The following ASTN1 variants were observed in gnomAD, a reference collection of about 807,000 sequenced individuals.
ASTN1 encodes astrotactin-1.
Under a neutral mutation model 140.7 loss-of-function variants are expected in ASTN1, and 41 were observed. That is an observed-to-expected ratio of 0.29 (90% confidence interval 0.23 to 0.38). The LOEUF (loss-of-function observed/expected upper bound fraction) is 0.38, where lower values mean the gene tolerates loss of function less well. Ranked by LOEUF, ASTN1 falls within the 10% of genes least tolerant of loss-of-function variation. ASTN1 has a pLI of 1.00. For synonymous variants in ASTN1, 640 were observed against 652.2 expected (o/e 0.98, Z 0.29); for missense variants, 1,479 against 1,678.8 (o/e 0.88, Z 2.08).
intron 18 of ASTN1, among the ~76,000 whole-genome samples, chr1:176,886,444 TCTC>T (rs1171134887): frequency 5.9e-5 from 9 of 152,216 alleles, no homozygotes; most frequent in African/African-American, 2.2e-4. Flanking sequence ...CAGCAGCAGT[TCTC>T]CTAGTGGCTC....
intron 1 of ASTN1, among the ~76,000 whole-genome samples, chr1:177,093,700 G>A (rs1289794980): frequency 6.6e-6 from 1 of 151,932 alleles, no homozygotes; most frequent in African/African-American, 2.4e-5. Context: ...ACAGGGCCTG[G>A]GTGAGTTGAA....
At chr1:176,888,608 G>T (rs1669139924) in intron 17 of ASTN1, among the ~76,000 whole-genome samples, 1 of 152,172 alleles carries the variant, frequency 6.6e-6, no homozygotes, top group South Asian at 2.1e-4. Flanking sequence ...TTTCCCAAAT[G>T]CTTCTCTGTG....
intron 12 of ASTN1, 24 bp downstream of exon 12, chr1:176,949,161 G>T: frequency 6.2e-7 from 1 of 1,612,616 alleles, no homozygotes. Flanking sequence ...GACGCCAGGT[G>T]GCCTCGCTGG....
At chr1:176,921,220 G>A (rs1312578156) in intron 16 of ASTN1, among the ~76,000 whole-genome samples, 2 of 152,074 alleles carry the variant, frequency 1.3e-5, no homozygotes, top group African/African-American at 2.4e-5. Context: ...TTATATATTT[G>A]TATTTTTCCT....
In ASTN1 at chr1:177,117,039, G is replaced by A. The variant is rs898112089; in HGVS notation, c.283+47355C>T. Among the ~76,000 whole-genome samples the A allele has an allele frequency of 2.0e-5, 3 of 152,028 alleles. 1 individual carries two copies. Among genetic ancestry groups the A allele is most frequent in the Admixed American group, 1.3e-4 (2 of 15,258 alleles). ...TACCTGCCAATTTTCTCTTAAAGTAGGTGTCTACGTGCATTTTTCAAGGCA... is the reference window on the plus strand; with the variant it reads ...TACCTGCCAATTTTCTCTTAAAGTAAGTGTCTACGTGCATTTTTCAAGGCA... On this transcript the variant is annotated intron_variant, in intron 1 of 22. Coordinates refer to ENST00000361833, the MANE Select transcript of ASTN1 (RefSeq NM_004319.3).
At chr1:177,064,881 A>G (rs1678274654) in intron 1 of ASTN1, among the ~76,000 whole-genome samples, 1 of 152,228 alleles carries the variant, frequency 6.6e-6, no homozygotes, top group Non-Finnish European at 1.5e-5. Context: ...CAACCAATGA[A>G]AAACCACACA....
At chr1:176,960,887 C>A (rs1221643751) in intron 9 of ASTN1, among the ~76,000 whole-genome samples, 1 of 152,076 alleles carries the variant, frequency 6.6e-6, no homozygotes, top group Admixed American at 6.5e-5. Flanking sequence ...GAAAGCTCCC[C>A]AGGGCCTTCA....
intron 2 of ASTN1, among the ~76,000 whole-genome samples, chr1:177,051,021 A>G (rs976663896): frequency 9.2e-5 from 14 of 152,208 alleles, no homozygotes; most frequent in Admixed American, 2.0e-4. Context: ...AAGTCGAAGC[A>G]TAGTTTTGTT....
At position 176,899,586 on chromosome 1, in the gene ASTN1, GA is replaced by G. The variant is rs538670188; in HGVS notation, c.2672-4757del. Among the ~76,000 whole-genome samples, 153 of 152,288 alleles carry G rather than the reference GA, an allele frequency of 1.0e-3. No homozygotes were observed. In the East Asian group the frequency reaches 0.012, roughly 12 times the overall value. On this transcript the variant is annotated intron_variant, in intron 16 of 22. Transcript: ENST00000361833. ...AGCTAATCAAATCCCAGCTTTTGGA[GA>G]CAGCTTAGGATCTACAGGAAAGAAG...
chr1:176,878,883 G>A (rs956044755), intron 20 of ASTN1, among the ~76,000 whole-genome samples: 1 of 152,158 alleles, frequency 6.6e-6, no homozygotes, highest in Non-Finnish European at 1.5e-5. Flanking sequence ...TACAAACCTC[G>A]GTAGCACTGC....
chr1:177,112,935 T>C (rs572761690), intron 1 of ASTN1, among the ~76,000 whole-genome samples: 1 of 152,354 alleles, frequency 6.6e-6, no homozygotes, highest in South Asian at 2.1e-4. Context: ...AGGTTCTCTT[T>C]CATATTCACT....
intron 1 of ASTN1, 76 bp downstream of exon 1, chr1:177,164,318 T>C (rs1446046794): frequency 5.1e-5 from 70 of 1,376,682 alleles, no homozygotes; most frequent in Non-Finnish European, 6.4e-5. Context: ...CGAGTGGGTG[T>C]GTAGAGCGAG....
Position 176,946,050 on chromosome 1 carries a change from C to G in ASTN1, c.2125G>C (p.Gly709Arg). ...CQLITETCPE[G>R]SDCGESRELP... ...TCCCTGCTTTCCCCACAGTCACTTC[C>G]CTCTGGACAGGTCTCCGTGATGAGT... The change falls in exon 13 of 23, where the codon GGA becomes CGA. Residue 709 changes from glycine to arginine, a missense_variant. Gly to Arg is a moderately radical substitution (Grantham distance 125). Transcript: ENST00000361833. The G allele has an allele frequency of 1.2e-6, 2 of 1,614,096 alleles. No individual in the cohort carries two copies. The highest frequency in any genetic ancestry group is 1.7e-6 in the Non-Finnish European group (2 of 1,179,982).
At chr1:176,918,983 C>G (rs530984154) in intron 16 of ASTN1, among the ~76,000 whole-genome samples, 1 of 152,222 alleles carries the variant, frequency 6.6e-6, no homozygotes, top group African/African-American at 2.4e-5. Context: ...CCATCCACAT[C>G]TTGGCATAAG....
At chr1:176,947,076 T>C (rs1172924461) in intron 12 of ASTN1, among the ~76,000 whole-genome samples, 1 of 152,206 alleles carries the variant, frequency 6.6e-6, no homozygotes, top group Non-Finnish European at 1.5e-5. Context: ...CTGTCTTATG[T>C]AGAGGAACAA....
chr1:177,061,412 C>A (rs1400926709), intron 1 of ASTN1, 147 bp from the exon 2 acceptor site: 12 of 618,618 alleles, frequency 1.9e-5, no homozygotes. Flanking sequence ...GATTTTACTG[C>A]TACTCCAAAC....
intron 1 of ASTN1, among the ~76,000 whole-genome samples, chr1:177,098,138 C>G (rs1009287850): frequency 3.6e-4 from 55 of 152,096 alleles, no homozygotes; most frequent in African/African-American, 1.1e-3. Context: ...GGCATTTGGT[C>G]AGAAGTATGA....
chr1:177,113,608 C>A (rs190088695), intron 1 of ASTN1, among the ~76,000 whole-genome samples: 30 of 152,294 alleles, frequency 2.0e-4, no homozygotes, highest in Non-Finnish European at 5.9e-5. Context: ...CTAATTGGCA[C>A]ACCCTCCTTT....
At chr1:176,986,534 A>T (rs1215604403) in intron 8 of ASTN1, among the ~76,000 whole-genome samples, 1 of 152,140 alleles carries the variant, frequency 6.6e-6, no homozygotes, top group African/African-American at 2.4e-5. Flanking sequence ...GGAAGGAGAT[A>T]ACTCAAAATG....
Sources: allele counts gnomAD v4.1 joint callset (sites outside exome capture counted in the v4.1 genomes callset), GRCh38; gene constraint gnomAD v4.1.1; transcripts MANE v1.5; gene names NCBI Gene and HGNC (gene_info 2026-07-23, HGNC 2026-07-21).